C10orf67: variants seen among roughly 807,000 people sequenced by gnomAD.
C10orf67 encodes chromosome 10 open reading frame 67, also known as uncharacterized protein C10orf67, mitochondrial.
In C10orf67, 60 loss-of-function variants were observed where a neutral mutation model predicts 35.6. The ratio of observed to expected loss-of-function variants is 1.68; its 90% confidence interval spans 1.37 to 2.09. The LOEUF (loss-of-function observed/expected upper bound fraction) is 2.09, where lower values mean the gene tolerates loss of function less well. Among genes scored for constraint, C10orf67 ranks in the 30% most tolerant of loss-of-function variants. The pLI is 0.00. For missense variants in C10orf67, 474 were observed against 330.2 expected (o/e 1.44, Z -3.38); for synonymous variants, 167 against 115.8 (o/e 1.44, Z -2.84).
intron 12 of C10orf67, among the ~76,000 whole-genome samples, chr10:23,245,290 A>C (rs1432346481): frequency 6.6e-6 from 1 of 152,204 alleles, no homozygotes; most frequent in Non-Finnish European, 1.5e-5. Flanking sequence ...GCTTTTTCAC[A>C]TTGGCCTTTG....
intron 15 of C10orf67, among the ~76,000 whole-genome samples, chr10:23,222,358 A>G (rs976152346): frequency 6.6e-6 from 1 of 152,168 alleles, no homozygotes; most frequent in Non-Finnish European, 1.5e-5. Context: ...CTCTATGGTT[A>G]ATTAAACTTC....
In C10orf67 at chr10:23,267,275, A is replaced by G. The variant is rs1346216934; in HGVS notation, c.976-21T>C. On this transcript the variant is annotated intron_variant, in intron 8 of 15. Transcript: ENST00000636213. ...TTAATCTGTAAAATTGAAGACCCAT[A>G]TCATTGGTTATTATCTGCAAAGATT... The G allele has an allele frequency of 7.2e-6, 5 of 697,274 alleles. No individual in the cohort carries two copies. In the East Asian group the frequency reaches 1.3e-4, roughly 19 times the overall value. 43.2% of individuals were successfully genotyped at this position (697,274 alleles called of 1,614,324 possible). A position where few individuals can be genotyped will look rare whatever the true frequency, so the allele number is the denominator to read the frequency against.
intron 5 of C10orf67, among the ~76,000 whole-genome samples, chr10:23,296,236 C>T (rs1843876541): frequency 6.6e-6 from 1 of 151,956 alleles, no homozygotes; most frequent in African/African-American, 2.4e-5. Context: ...GGAAACAGGG[C>T]TCCCATACAA....
chr10:23,231,446 A>T (rs11013342), intron 13 of C10orf67, among the ~76,000 whole-genome samples: 4,867 of 152,296 alleles, frequency 0.032, 247 homozygotes, highest in African/African-American at 0.11. Flanking sequence ...GAGCAGTAAG[A>T]TTGAAGGAAC....
rs372944874 is a variant in C10orf67 at position 23,303,439 on chromosome 10, T to C, written c.567A>G (p.Glu189=). 5 of 577,426 alleles carry C rather than the reference T, an allele frequency of 8.7e-6. No individual in the cohort carries two copies. The highest frequency in any genetic ancestry group is 5.2e-5 in the South Asian group (2 of 38,752). 35.8% of individuals were successfully genotyped at this position (577,426 alleles called of 1,614,324 possible). ...GMYQQFFEVE[E]ENVSLQDAST... is the part of the protein sequence containing the mutation. ...TCGCATCTTGCAAAGAAACATTCTC[T>C]TCTTCTACCTCAAAGAATTGCTAGG... Residue 189 remains glutamate, a synonymous_variant, in exon 5 of 16, where the codon GAA becomes GAG. Coordinates refer to ENST00000636213, the MANE Select transcript of C10orf67 (RefSeq NM_001371909.1).
chr10:23,341,375 G>A lies in C10orf67; in HGVS notation c.206+3194C>T, dbSNP rs1845877148. 3.3e-5 allele frequency among the ~76,000 whole-genome samples: 5 copies of A among 152,056 alleles called. No individual in the cohort carries two copies. In the South Asian group the frequency reaches 1.0e-3, roughly 32 times the overall value. On this transcript the variant is annotated intron_variant, in intron 1 of 15. Transcript: ENST00000636213. ...ATTATCCTCCCCATCCGGGTTACTGGCAATTCCATTCTACCTGTTCATCAC... is the reference window on the plus strand; with the variant it reads ...ATTATCCTCCCCATCCGGGTTACTGACAATTCCATTCTACCTGTTCATCAC...
At chr10:23,215,155 G>A (rs551734464) in intron 15 of C10orf67, among the ~76,000 whole-genome samples, 2 of 152,230 alleles carry the variant, frequency 1.3e-5, no homozygotes, top group Admixed American at 1.3e-4. Context: ...TAGAAAAAAT[G>A]TTGCTGCAAT....
chr10:23,334,898 A>G (rs1008178075), intron 1 of C10orf67, among the ~76,000 whole-genome samples: 2 of 152,216 alleles, frequency 1.3e-5, no homozygotes, highest in African/African-American at 4.8e-5. Flanking sequence ...TTCAAAAAAG[A>G]TGGAAATAGG....
At chr10:23,277,113 A>T (rs1843212970) in intron 8 of C10orf67, among the ~76,000 whole-genome samples, 1 of 152,118 alleles carries the variant, frequency 6.6e-6, no homozygotes, top group African/African-American at 2.4e-5. Context: ...ATACTAAGAG[A>T]TCTGTAACTG....
At position 23,216,832 on chromosome 10, in the gene C10orf67, A is replaced by G. The variant is rs1841444154; in HGVS notation, c.1570+6766T>C. ...GTCTCTGTAGTGATATAAAATATGTATGATTGACAAACTCTAAAATCAAGG... is the reference window on the plus strand; with the variant it reads ...GTCTCTGTAGTGATATAAAATATGTGTGATTGACAAACTCTAAAATCAAGG... On this transcript the variant is annotated intron_variant, in intron 15 of 15. Coordinates refer to ENST00000636213, the MANE Select transcript of C10orf67 (RefSeq NM_001371909.1). Among the ~76,000 whole-genome samples the G allele has an allele frequency of 3.3e-5, 5 of 152,158 alleles. 1 individual carries two copies. The highest frequency in any genetic ancestry group is 3.3e-4 in the Admixed American group (5 of 15,272).
chr10:23,332,993 A>T (rs760624227), intron 2 of C10orf67, 69 bp downstream of exon 2: 202 of 1,464,752 alleles, frequency 1.4e-4, no homozygotes, highest in Admixed American at 2.9e-4. Context: ...ACTTTTGTCT[A>T]TGAAAGAAAC....
At chr10:23,250,998 G>A (rs552828450) in intron 10 of C10orf67, among the ~76,000 whole-genome samples, 13 of 152,278 alleles carry the variant, frequency 8.5e-5, no homozygotes, top group African/African-American at 3.1e-4. Flanking sequence ...TTGGGAGGCT[G>A]AGAAGGGAGA....
chr10:23,203,584 T>G lies in C10orf67; in HGVS notation c.*589A>C, dbSNP rs1445161186. The G allele has an allele frequency of 6.6e-6, 1 of 152,178 alleles. No individual in the cohort carries two copies. The highest frequency in any genetic ancestry group is 1.9e-4 in the East Asian group (1 of 5,196). 9.4% of individuals were successfully genotyped at this position (152,178 alleles called of 1,614,324 possible). Reference sequence around the variant, plus strand: ...GTCTGGCATTCCAGCAGAATCTTGGTTTGCATCCTTACCAGGAAGCAAAAC... The same window carrying G: ...GTCTGGCATTCCAGCAGAATCTTGGGTTGCATCCTTACCAGGAAGCAAAAC... On this transcript the variant is annotated 3_prime_UTR_variant, in exon 16 of 16. Coordinates refer to ENST00000636213, the MANE Select transcript of C10orf67 (RefSeq NM_001371909.1).
At chr10:23,306,109 A>G (rs990138241) in intron 4 of C10orf67, among the ~76,000 whole-genome samples, 3 of 152,208 alleles carry the variant, frequency 2.0e-5, no homozygotes, top group Admixed American at 6.5e-5. Flanking sequence ...TATTTGGGAC[A>G]AGATGGATGA....
Position 23,252,825 on chromosome 10 carries a change from T to C in C10orf67, c.1201-2134A>G, listed in dbSNP as rs374396756. Among the ~76,000 whole-genome samples, 30 of 152,308 alleles carry C rather than the reference T, an allele frequency of 2.0e-4. No homozygotes were observed. The South Asian group carries it at 4.8e-3, about 24-fold the overall frequency. On this transcript the variant is annotated intron_variant, in intron 10 of 15. Transcript: ENST00000636213. ...CATGGCCTGTTTAAATGAACACATGTAATAGGCAACTGATATGGTTTGGCT... is the reference window on the plus strand; with the variant it reads ...CATGGCCTGTTTAAATGAACACATGCAATAGGCAACTGATATGGTTTGGCT...
At chr10:23,331,269 G>A (rs1191818650) in intron 2 of C10orf67, among the ~76,000 whole-genome samples, 1 of 12,410 alleles carries the variant, frequency 8.1e-5, no homozygotes. Flanking sequence ...GGGAAGGGAA[G>A]AGGGAAGGGA....
At chr10:23,204,884 T>C (rs1210275082) in intron 15 of C10orf67, among the ~76,000 whole-genome samples, 1 of 151,768 alleles carries the variant, frequency 6.6e-6, no homozygotes, top group South Asian at 2.1e-4. Context: ...AGCCACAACA[T>C]GGGATGTGAT....
At chr10:23,327,922 T>C (rs1283382519) in intron 2 of C10orf67, among the ~76,000 whole-genome samples, 1 of 151,886 alleles carries the variant, frequency 6.6e-6, no homozygotes, top group Admixed American at 6.6e-5. Context: ...ACCAGATAAT[T>C]TGTTGCACAA....
At chr10:23,307,015 T>C (rs1382394438) in intron 4 of C10orf67, among the ~76,000 whole-genome samples, 2 of 152,180 alleles carry the variant, frequency 1.3e-5, no homozygotes, top group Non-Finnish European at 2.9e-5. Flanking sequence ...TAAACATCAA[T>C]GGTGCAACTA....
Sources: allele counts gnomAD v4.1 joint callset (sites outside exome capture counted in the v4.1 genomes callset), GRCh38; gene constraint gnomAD v4.1.1; transcripts MANE v1.5; gene names NCBI Gene and HGNC (gene_info 2026-07-23, HGNC 2026-07-21).